The following COMMD4 variants were observed in gnomAD, a reference collection of about 807,000 sequenced individuals.
COMMD4 encodes the protein COMM domain-containing protein 4.
Under a neutral mutation model 27.5 loss-of-function variants are expected in COMMD4, and 18 were observed. The observed-to-expected ratio is 0.65, with a 90% CI of 0.45 to 0.97. COMMD4 has a LOEUF of 0.97. COMMD4 is among the 50% of genes least tolerant of loss of function. The pLI is 0.00. For synonymous variants in COMMD4, 108 were observed against 108.4 expected (o/e 1.00, Z 0.02); for missense variants, 243 against 250.0 (o/e 0.97, Z 0.19).
At chr15:75,338,756 GC>G (rs757388874) in intron 4 of COMMD4, 71 bp downstream of exon 4, 5 of 1,536,484 alleles carry the variant, frequency 3.3e-6, no homozygotes, top group Non-Finnish European at 4.5e-6. Flanking sequence ...GTACAGAGGG[GC>G]CCCCCACCCC....
intron 3 of COMMD4, 42 bp downstream of exon 3, chr15:75,338,462 G>A (rs1238317585): frequency 1.2e-6 from 2 of 1,605,686 alleles, no homozygotes; most frequent in African/African-American, 2.7e-5. Flanking sequence ...ATGACCTTAT[G>A]ACCACCACTG....
At chr15:75,338,233 T>C in intron 2 of COMMD4, 100 bp downstream of exon 2, 1 of 1,496,768 alleles carries the variant, frequency 6.7e-7, no homozygotes, top group Non-Finnish European at 9.1e-7. Context: ...AGGGCCTCAG[T>C]GCTCTCAGCC....
At chr15:75,339,402 A>G in intron 6 of COMMD4, 58 bp downstream of exon 6, 2 of 1,583,274 alleles carry the variant, frequency 1.3e-6, no homozygotes, top group Non-Finnish European at 1.7e-6. Flanking sequence ...GCAGCACACA[A>G]AGTGCATGGA....
In COMMD4 at chr15:75,339,877, A is replaced by C. The variant is rs374625186; in HGVS notation, c.558A>C (p.Ala186=). Residue 186 remains alanine, a splice_region_variant and synonymous_variant, in exon 7 of 8, where the codon GCA becomes GCC. Coordinates refer to ENST00000267935, the MANE Select transcript of COMMD4 (RefSeq NM_017828.5). ...CAGACAAGTTCCAGGTCCTCCTGGC[A>C]GGTGAGGCTCAGCTATTCCTCGACG... ...LSADKFQVLL[A]ELKQAQTLMS... is the part of the protein sequence containing the mutation. 1.2e-5 allele frequency: 19 copies of C among 1,612,798 alleles called. No homozygotes were observed. Among genetic ancestry groups the C allele is most frequent in the Non-Finnish European group, 1.6e-5 (19 of 1,179,090 alleles).
chr15:75,338,140 T>A lies in COMMD4; in HGVS notation c.75+7T>A, dbSNP rs1230418305. ...CAGCACGCTGGCCAAGATGGTTGAG[T>A]GCACAGGGTCTAGTCTGGGTGGAGG... On this transcript the variant is annotated splice_region_variant and intron_variant, in intron 2 of 7. Transcript: ENST00000267935. The A allele has an allele frequency of 5.6e-6, 9 of 1,597,742 alleles. No homozygotes were observed. The highest frequency in any genetic ancestry group is 1.7e-6 in the Non-Finnish European group (2 of 1,172,162).
At chr15:75,337,785 C>T (rs1251094133) in intron 1 of COMMD4, 1 of 477,702 alleles carries the variant, frequency 2.1e-6, no homozygotes, top group Non-Finnish European at 3.8e-6. Flanking sequence ...GTACCCCCAG[C>T]ACTTAGAGTG....
At chr15:75,339,600 G>C (rs2071371950) in intron 6 of COMMD4, 102 bp from the exon 7 acceptor site, 1 of 1,331,220 alleles carries the variant, frequency 7.5e-7, no homozygotes, top group Admixed American at 2.4e-5. Flanking sequence ...GCTTCTTAGA[G>C]GCCACATAGC....
chr15:75,337,980 G>A, intron 1 of COMMD4, 82 bp from the exon 2 acceptor site: 9 of 1,398,426 alleles, frequency 6.4e-6, no homozygotes, highest in Non-Finnish European at 7.9e-6. Context: ...GTCCCTGGTG[G>A]GCAGCAGTGT....
At chr15:75,337,172 C>G (rs1299033242) in intron 1 of COMMD4, 1 of 152,226 alleles carries the variant, frequency 6.6e-6, no homozygotes, top group African/African-American at 2.4e-5. Flanking sequence ...GAGGGTGGAT[C>G]ACCTGAGGTC....
rs1012704281 is a variant in COMMD4 at position 75,340,114 on chromosome 15, C to T, written c.*109C>T. 1 of 1,342,666 alleles carries T rather than the reference C, an allele frequency of 7.4e-7. No individual in the cohort carries two copies. 83.2% of individuals were successfully genotyped at this position (1,342,666 alleles called of 1,614,324 possible). A position where few individuals can be genotyped will look rare whatever the true frequency, so the allele number is the denominator to read the frequency against. On this transcript the variant is annotated 3_prime_UTR_variant, in exon 8 of 8. Coordinates refer to ENST00000267935, the MANE Select transcript of COMMD4 (RefSeq NM_017828.5). ...TGGTTCTAGGATGCTGAGGCCCTGG[C>T]CCGGACTCTGGCCTCCCAGATCCCC...
chr15:75,340,311 T>G (rs2071413704), downstream of COMMD4: 1 of 375,954 alleles, frequency 2.7e-6, no homozygotes, highest in African/African-American at 2.0e-5. Flanking sequence ...AGATCAAGGG[T>G]TTTTGTGAGA....
Position 75,340,026 on chromosome 15 carries a change from T to A in COMMD4, c.*21T>A. The A allele has an allele frequency of 6.2e-7, 1 of 1,613,556 alleles. No individual in the cohort carries two copies. The highest frequency in any genetic ancestry group is 8.5e-7 in the Non-Finnish European group (1 of 1,179,752). Reference sequence around the variant, plus strand: ...GCTGAGGAGAAGGGTGTTCCAGGCCTGTGTGGAGCCGCCCTGCCCGTATGG... The same window carrying A: ...GCTGAGGAGAAGGGTGTTCCAGGCCAGTGTGGAGCCGCCCTGCCCGTATGG... On this transcript the variant is annotated 3_prime_UTR_variant, in exon 8 of 8. Coordinates refer to ENST00000267935, the MANE Select transcript of COMMD4 (RefSeq NM_017828.5).
At position 75,338,361 on chromosome 15, in the gene COMMD4, G is replaced by A; in HGVS notation, c.82G>A (p.Val28Met). The change falls in exon 3 of 8, where the codon GTG (valine) becomes ATG (methionine). Residue 28 changes from valine to methionine, a missense_variant. Coordinates refer to ENST00000267935, the MANE Select transcript of COMMD4 (RefSeq NM_017828.5). ...GTAAGGACTTCCCTTCCAGTCCTCT[G>A]TGAAGTTGCGGCTGCTCTGCAGCCA... ...EISTLAKMSS[V>M]KLRLLCSQVL... 3 of 1,600,048 alleles carry A rather than the reference G, an allele frequency of 1.9e-6. No homozygotes were observed. Among genetic ancestry groups the A allele is most frequent in the Non-Finnish European group, 2.6e-6 (3 of 1,173,028 alleles).
In COMMD4 at chr15:75,336,306, G is replaced by C. The variant is rs1246400598; in HGVS notation, c.3+214G>C. Reference sequence around the variant, plus strand: ...GGGGCGGGTAAGACAGAGCAGGCCGGCCGGCTTAGAGTCCCGGTGCTTCCC... The same window carrying C: ...GGGGCGGGTAAGACAGAGCAGGCCGCCCGGCTTAGAGTCCCGGTGCTTCCC... On this transcript the variant is annotated intron_variant, in intron 1 of 7. Coordinates refer to ENST00000267935, the MANE Select transcript of COMMD4 (RefSeq NM_017828.5). The C allele has an allele frequency of 3.5e-6, 5 of 1,432,242 alleles. No individual in the cohort carries two copies. The East Asian group carries it at 7.7e-5, about 22-fold the overall frequency. The allele number at this position is 1,432,242 out of a possible 1,614,324, so 88.7% of individuals were successfully genotyped here. A position where few individuals can be genotyped will look rare whatever the true frequency, so the allele number is the denominator to read the frequency against.
downstream of COMMD4, chr15:75,341,129 A>C (rs1157218126): frequency 1.3e-5 from 2 of 153,610 alleles, no homozygotes; most frequent in African/African-American, 2.4e-5. Context: ...AAGGCCAGAA[A>C]GAGGGCTGTC....
chr15:75,338,154 T>A (rs1307537657), intron 2 of COMMD4, 21 bp downstream of exon 2: 38 of 1,586,630 alleles, frequency 2.4e-5, no homozygotes, highest in East Asian at 4.6e-5. Flanking sequence ...CAGGGTCTAG[T>A]CTGGGTGGAG....
At chr15:75,337,610 T>A in intron 1 of COMMD4, 1 of 154,890 alleles carries the variant, frequency 6.5e-6, no homozygotes, top group Non-Finnish European at 1.4e-5. Flanking sequence ...AAAAAAAGGA[T>A]AGCAAGCCAC....
intron 3 of COMMD4, 25 bp downstream of exon 3, chr15:75,338,445 T>C (rs1321126270): frequency 3.7e-6 from 6 of 1,607,542 alleles, no homozygotes; most frequent in Non-Finnish European, 5.1e-6. Context: ...CAGCACCCCA[T>C]TGTCCCATGA....
At position 75,338,699 on chromosome 15, in the gene COMMD4, TGAGTCTATAGGCCCCAG is replaced by T; in HGVS notation, c.181+16_181+32del. The T allele has an allele frequency of 6.2e-7, 1 of 1,612,794 alleles. No homozygotes were observed. The highest frequency in any genetic ancestry group is 8.5e-7 in the Non-Finnish European group (1 of 1,179,410). On this transcript the variant is annotated intron_variant, in intron 4 of 7. Coordinates refer to ENST00000267935, the MANE Select transcript of COMMD4 (RefSeq NM_017828.5). ...ACGCCAAGTTTGGTGAGTATCCCGC[TGAGTCTATAGGCCCCAG>T]GCAACCCTGGGAACTTGGCCTGGTG...
Sources: allele counts gnomAD v4.1 joint callset, GRCh38; gene constraint gnomAD v4.1.1; transcripts MANE v1.5; gene names NCBI Gene and HGNC (gene_info 2026-07-23, HGNC 2026-07-21).